CYP2R1: variants seen among roughly 807,000 people sequenced by gnomAD.
CYP2R1 encodes vitamin D 25-hydroxylase.
CYP2R1 carries 40 observed loss-of-function variants against 45.7 expected under a neutral mutation model. The ratio of observed to expected loss-of-function variants is 0.87; its 90% CI spans 0.68 to 1.14. CYP2R1 has a LOEUF of 1.14. CYP2R1 is among the 50% of genes most tolerant of loss of function. The pLI, the probability that CYP2R1 is intolerant of heterozygous loss-of-function variation, is 0.00. For missense variants in CYP2R1, 605 were observed against 602.6 expected (o/e 1.00, Z -0.04); for synonymous variants, 234 against 219.3 (o/e 1.07, Z -0.59).
chr11:14,891,002 G>T (rs1848830310), intron 1 of CYP2R1: 20 of 985,252 alleles, frequency 2.0e-5, no homozygotes, highest in Non-Finnish European at 2.3e-5. Flanking sequence ...CCACTCATCT[G>T]CCAACTCCTT....
At chr11:14,883,530 A>G (rs1366760422) in intron 2 of CYP2R1, among the ~76,000 whole-genome samples, 2 of 151,418 alleles carry the variant, frequency 1.3e-5, no homozygotes, top group Non-Finnish European at 3.0e-5. Flanking sequence ...TACAAAAATT[A>G]ATTCAAGATG....
Position 14,892,165 on chromosome 11 carries a change from A to G in CYP2R1, c.41T>C (p.Leu14Pro), listed in dbSNP as rs782402168. 1.9e-6 allele frequency: 3 copies of G among 1,610,664 alleles called. No homozygotes were observed. Among genetic ancestry groups the G allele is most frequent in the Non-Finnish European group, 2.5e-6 (3 of 1,179,730 alleles). Residue 14 changes from leucine to proline, a missense_variant, in exon 1 of 5, where the codon CTC becomes CCC. Transcript: ENST00000334636. ...LWRAEEGAAA[L>P]GGALFLLLFA... ...GAGCAGCAGGAAGAGCGCGCCGCCGAGCGCCGCCGCGCCCTCTTCAGCTCT... is the reference window on the plus strand; with the variant it reads ...GAGCAGCAGGAAGAGCGCGCCGCCGGGCGCCGCCGCGCCCTCTTCAGCTCT...
At chr11:14,891,649 G>A (rs1412040288) in intron 1 of CYP2R1, 2 of 1,152,656 alleles carry the variant, frequency 1.7e-6, no homozygotes, top group Non-Finnish European at 2.1e-6. Flanking sequence ...CGTCCACCCT[G>A]GACCTGAAGT....
intron 1 of CYP2R1, among the ~76,000 whole-genome samples, chr11:14,888,445 C>G (rs1335285965): frequency 6.6e-6 from 1 of 152,090 alleles, no homozygotes; most frequent in African/African-American, 2.4e-5. Flanking sequence ...TTGATGAAAA[C>G]CATTAAGTGA....
At chr11:14,888,723 C>T (rs1278300213) in intron 1 of CYP2R1, among the ~76,000 whole-genome samples, 2 of 152,172 alleles carry the variant, frequency 1.3e-5, no homozygotes, top group African/African-American at 4.8e-5. Context: ...GCAGTGATTT[C>T]ATCTTTTTCA....
At chr11:14,891,832 G>A in intron 1 of CYP2R1, 149 bp downstream of exon 1, 4 of 1,418,412 alleles carry the variant, frequency 2.8e-6, no homozygotes, top group Non-Finnish European at 3.7e-6. Flanking sequence ...TTCCAGACCC[G>A]GGAAGCGGGT....
At chr11:14,887,701 C>G in intron 1 of CYP2R1, 1 of 948,770 alleles carries the variant, frequency 1.1e-6, no homozygotes, top group South Asian at 4.9e-5. Context: ...ATTTTTCACT[C>G]TCCCAGTTAA....
Position 14,878,315 on chromosome 11 carries a change from A to T in CYP2R1, c.1331-18T>A, listed in dbSNP as rs782220639. On this transcript the variant is annotated intron_variant, in intron 4 of 4. Coordinates refer to ENST00000334636, the MANE Select transcript of CYP2R1 (RefSeq NM_024514.5). ...TCTTCTTCCTAAACAGAAAAAGCAG[A>T]TACAATAATTTTTTAAACCCACAAT... The T allele has an allele frequency of 3.1e-6, 5 of 1,611,794 alleles. No homozygotes were observed. In the African/African-American group the frequency reaches 6.7e-5, roughly 22 times the overall value.
intron 1 of CYP2R1, among the ~76,000 whole-genome samples, chr11:14,889,854 C>T (rs944727868): frequency 6.6e-6 from 1 of 152,206 alleles, no homozygotes; most frequent in Admixed American, 6.5e-5. Flanking sequence ...ATAGGCCGGG[C>T]GCAGTGGCTC....
Position 14,885,867 on chromosome 11 carries a change from A to G in CYP2R1, c.276T>C (p.Tyr92=), listed in dbSNP as rs1565184841. The G allele has an allele frequency of 1.2e-6, 2 of 1,613,666 alleles. No homozygotes were observed. Among genetic ancestry groups the G allele is most frequent in the Non-Finnish European group, 1.7e-6 (2 of 1,179,716 alleles). Reference sequence around the variant, plus strand: ...GAACAAGGCATTCCTTTACTACATCATAGCCATTTAGAACCACAGTTGATA... The same window carrying G: ...GAACAAGGCATTCCTTTACTACATCGTAGCCATTTAGAACCACAGTTGATA... ...GGISTVVLNG[Y]DVVKECLVHQ... is the part of the protein sequence containing the mutation. The change falls in exon 2 of 5, where the codon TAT becomes TAC. Residue 92 remains tyrosine (Y), a synonymous_variant. Coordinates refer to ENST00000334636, the MANE Select transcript of CYP2R1 (RefSeq NM_024514.5).
At chr11:14,879,520 T>C in intron 3 of CYP2R1, 77 bp from the exon 4 acceptor site, 1 of 1,232,828 alleles carries the variant, frequency 8.1e-7, no homozygotes, top group Non-Finnish European at 1.1e-6. Context: ...TGGAATAAAA[T>C]AAAGGATAAC....
At position 14,890,537 on chromosome 11, in the gene CYP2R1, C is replaced by CTTTTTTTTTTTT. The variant is rs71044028; in HGVS notation, c.225+1432_225+1443dup. On this transcript the variant is annotated intron_variant, in intron 1 of 4. Coordinates refer to ENST00000334636, the MANE Select transcript of CYP2R1 (RefSeq NM_024514.5). ...TCTATTCTAGAAACCTAGACCAATT[C>CTTTTTTTTTTTT]TTTTTTTTTTTTTTTTTTTTTTTTT... 1.9e-4 allele frequency: 12 copies of CTTTTTTTTTTTT among 64,272 alleles called. 2 individuals carry two copies. Among genetic ancestry groups the CTTTTTTTTTTTT allele is most frequent in the South Asian group, 7.7e-4 (1 of 1,302 alleles). 4.0% of individuals were successfully genotyped at this position (64,272 alleles called of 1,614,324 possible).
Position 14,879,154 on chromosome 11 carries a change from T to C in CYP2R1, c.1290A>G (p.Gly430=), listed in dbSNP as rs905620642. 1 of 1,613,204 alleles carries C rather than the reference T, an allele frequency of 6.2e-7. No individual in the cohort carries two copies. The highest frequency in any genetic ancestry group is 2.2e-5 in the East Asian group (1 of 44,858). The change falls in exon 4 of 5, where the codon GGA becomes GGG. Residue 430 remains glycine, a synonymous_variant. Transcript: ENST00000334636. Reference sequence around the variant, plus strand: ...CCAAAGCTTCCTTCTTGGCAAAATATCCACTGCTGTCCAGAAATCGCTCAG... The same window carrying C: ...CCAAAGCTTCCTTCTTGGCAAAATACCCACTGCTGTCCAGAAATCGCTCAG... The part of the protein sequence containing the change: ...FHPERFLDSS[G]YFAKKEALVP...
Position 14,878,154 on chromosome 11 carries a change from G to A in CYP2R1, c.1474C>T (p.Gln492Ter), listed in dbSNP as rs1336591006. The A allele has an allele frequency of 6.2e-7, 1 of 1,613,018 alleles. No homozygotes were observed. Among genetic ancestry groups the A allele is most frequent in the Non-Finnish European group, 8.5e-7 (1 of 1,179,448 alleles). ...CTTTCAGCACAGATGAGGTAGGGTT[G>A]GGGCTGCAATGTCATGCCTAACCTG... is the stretch of plus-strand genomic sequence containing the variant. ...KPRLGMTLQP[Q>*]PYLICAERR Residue 492 changes from glutamine (Q) to a stop codon, truncating the protein, a stop_gained, in exon 5 of 5, where the codon CAA becomes TAA. Transcript: ENST00000334636. LOFTEE classifies it high-confidence loss of function.
rs1248475219 is a variant in CYP2R1 at position 14,885,814 on chromosome 11, G to A, written c.329C>T (p.Pro110Leu). ...CATCTTCATGAATAAAGGAAGGCAT[G>A]GTCTGTCTGCAAAAATTTCGCTTTG... ...VHQSEIFADR[P>L]CLPLFMKMTK... The change falls in exon 2 of 5, where the codon CCA becomes CTA. Residue 110 changes from proline to leucine, a missense_variant. Physicochemically the swap from Pro to Leu is moderately conservative, Grantham distance 98 (BLOSUM62 -3). Coordinates refer to ENST00000334636, the MANE Select transcript of CYP2R1 (RefSeq NM_024514.5). 3 of 1,613,110 alleles carry A rather than the reference G, an allele frequency of 1.9e-6. No homozygotes were observed. The highest frequency in any genetic ancestry group is 2.7e-5 in the African/African-American group (2 of 74,872).
chr11:14,891,640 G>C (rs1848861515), intron 1 of CYP2R1: 3 of 1,117,492 alleles, frequency 2.7e-6, no homozygotes, highest in Non-Finnish European at 3.3e-6. Context: ...GAGGGCATGC[G>C]TCCACCCTGG....
At chr11:14,891,316 T>G in intron 1 of CYP2R1, 1 of 985,336 alleles carries the variant, frequency 1.0e-6, no homozygotes, top group Non-Finnish European at 1.2e-6. Flanking sequence ...AAGGCGCCTT[T>G]TAAGTATCTG....
At chr11:14,891,372 C>A (rs1565190452) in intron 1 of CYP2R1, 1 of 985,712 alleles carries the variant, frequency 1.0e-6, no homozygotes, top group Non-Finnish European at 1.2e-6. Flanking sequence ...ACCATCTGCG[C>A]TGTAGGACCC....
chr11:14,880,799 TC>T, intron 2 of CYP2R1, 31 bp from the exon 3 acceptor site: 1 of 1,574,590 alleles, frequency 6.4e-7, no homozygotes, highest in Non-Finnish European at 8.6e-7. Flanking sequence ...ATTGTATAAT[TC>T]CTACTTCTCT....
Sources: allele counts gnomAD v4.1 joint callset (sites outside exome capture counted in the v4.1 genomes callset), GRCh38; gene constraint gnomAD v4.1.1; transcripts MANE v1.5; gene names NCBI Gene and HGNC (gene_info 2026-07-23, HGNC 2026-07-21).